The following CNTNAP2 variants were observed in gnomAD, a reference collection of about 807,000 sequenced individuals.
CNTNAP2 encodes the protein contactin-associated protein-like 2.
In CNTNAP2, 98 loss-of-function variants were observed where a neutral mutation model predicts 155.2. The observed-to-expected ratio is 0.63, with a 90% confidence interval of 0.54 to 0.75. CNTNAP2 has a LOEUF of 0.75. CNTNAP2 is among the 30% of genes least tolerant of loss of function. The pLI, the probability that CNTNAP2 is intolerant of heterozygous loss-of-function variation, is 0.00. For synonymous variants in CNTNAP2, 651 were observed against 631.2 expected (o/e 1.03, Z -0.47); for missense variants, 1,727 against 1,688.1 (o/e 1.02, Z -0.40).
intron 1 of CNTNAP2, among the ~76,000 whole-genome samples, chr7:146,236,399 TAAATA>T (rs1209234676): frequency 2.0e-5 from 3 of 152,298 alleles, no homozygotes; most frequent in Non-Finnish European, 4.4e-5. Context: ...AATAATTAAA[TAAATA>T]AGAGTTCTAA....
intron 8 of CNTNAP2, among the ~76,000 whole-genome samples, chr7:147,216,998 A>C (rs1468477424): frequency 6.9e-6 from 1 of 145,974 alleles, no homozygotes; most frequent in Non-Finnish European, 1.6e-5. Context: ...GGTATATAGA[A>C]AAGCATTTGA....
At chr7:147,139,378 G>A (rs868591523) in intron 8 of CNTNAP2, among the ~76,000 whole-genome samples, 6 of 152,084 alleles carry the variant, frequency 3.9e-5, no homozygotes, top group African/African-American at 1.2e-4. Flanking sequence ...GCAATTGCGT[G>A]TCTAATTTTG....
chr7:146,639,002 TG>T (rs1409491367), intron 1 of CNTNAP2, among the ~76,000 whole-genome samples: 26 of 152,194 alleles, frequency 1.7e-4, no homozygotes, highest in African/African-American at 6.3e-4. Context: ...TAAGTATTTG[TG>T]TGTCAAAACT....
chr7:148,140,877 A>G (rs1265796463), intron 16 of CNTNAP2, among the ~76,000 whole-genome samples: 1 of 152,270 alleles, frequency 6.6e-6, no homozygotes, highest in Non-Finnish European at 1.5e-5. Context: ...GCCAAAGGCA[A>G]GGGCCAGACC....
At chr7:147,919,733 C>T (rs1310438796) in intron 14 of CNTNAP2, among the ~76,000 whole-genome samples, 1 of 151,536 alleles carries the variant, frequency 6.6e-6, no homozygotes, top group Non-Finnish European at 1.5e-5. Context: ...GCTGGGATTA[C>T]AGGCGTGAGC....
Position 147,123,058 on chromosome 7 carries a change from T to C in CNTNAP2, c.939+1895T>C, listed in dbSNP as rs549940049. Among the ~76,000 whole-genome samples, 9 of 152,264 alleles carry C rather than the reference T, an allele frequency of 5.9e-5. 1 individual carries two copies. In the South Asian group the frequency reaches 1.9e-3, roughly 32 times the overall value. Reference sequence around the variant, plus strand: ...AGAGTAGAATATGCTATATAAACACTGATGGAGACTTTATTAACATTAAAT... The same window carrying C: ...AGAGTAGAATATGCTATATAAACACCGATGGAGACTTTATTAACATTAAAT... On this transcript the variant is annotated intron_variant, in intron 6 of 23. Transcript: ENST00000361727.
chr7:146,131,969 C>T (rs1359986219), intron 1 of CNTNAP2, among the ~76,000 whole-genome samples: 1 of 152,086 alleles, frequency 6.6e-6, no homozygotes, highest in African/African-American at 2.4e-5. Flanking sequence ...TTCCTTTCTG[C>T]CGTGATTGTA....
intron 9 of CNTNAP2, among the ~76,000 whole-genome samples, chr7:147,315,317 C>A (rs1441056269): frequency 6.6e-6 from 1 of 150,646 alleles, no homozygotes; most frequent in Non-Finnish European, 1.5e-5. Context: ...AGTCTTGTAA[C>A]TATCACCACA....
chr7:148,204,297 T>C (rs1437866137), intron 18 of CNTNAP2, among the ~76,000 whole-genome samples: 2 of 152,192 alleles, frequency 1.3e-5, no homozygotes, highest in South Asian at 2.1e-4. Context: ...TTAGACAAAT[T>C]TCAAGGCTTA....
chr7:147,612,401 C>CT (rs565607932), intron 12 of CNTNAP2, among the ~76,000 whole-genome samples: 9,037 of 133,016 alleles, frequency 0.068, 369 homozygotes, highest in African/African-American at 0.089. Context: ...AATTTTCTTT[C>CT]TTTTTTTTTT....
At chr7:147,415,583 G>A (rs1342265200) in intron 10 of CNTNAP2, among the ~76,000 whole-genome samples, 3 of 152,074 alleles carry the variant, frequency 2.0e-5, no homozygotes, top group Non-Finnish European at 4.4e-5. Flanking sequence ...GTTTCCTGAG[G>A]TCTCCCTAGC....
At chr7:146,758,188 TGGC>T in intron 1 of CNTNAP2, among the ~76,000 whole-genome samples, 1 of 152,316 alleles carries the variant, frequency 6.6e-6, no homozygotes, top group South Asian at 2.1e-4. Context: ...AAAACCCACC[TGGC>T]GTATTAATCA....
intron 14 of CNTNAP2, among the ~76,000 whole-genome samples, chr7:147,960,628 A>G (rs1801101384): frequency 6.6e-6 from 1 of 152,146 alleles, no homozygotes; most frequent in African/African-American, 2.4e-5. Context: ...TCCAGCATCA[A>G]CTGGAGTATC....
chr7:147,080,648 CATAT>C (rs1240351284), intron 4 of CNTNAP2, among the ~76,000 whole-genome samples: 1 of 148,032 alleles, frequency 6.8e-6, no homozygotes, highest in Admixed American at 6.8e-5. Context: ...TCATATATAA[CATAT>C]ATAACATGTA....
intron 1 of CNTNAP2, among the ~76,000 whole-genome samples, chr7:146,642,329 C>T (rs1435805438): frequency 6.4e-5 from 8 of 124,126 alleles, no homozygotes; most frequent in Admixed American, 6.1e-4. Context: ...CCACAACAGT[C>T]CACAGAGTGT....
intron 13 of CNTNAP2, among the ~76,000 whole-genome samples, chr7:147,713,858 G>T (rs1483480994): frequency 6.6e-6 from 1 of 152,118 alleles, no homozygotes; most frequent in Non-Finnish European, 1.5e-5. Context: ...AATGACTAAT[G>T]ATATTGAGCA....
chr7:147,383,090 GA>G (rs1483440092), intron 9 of CNTNAP2, among the ~76,000 whole-genome samples: 1 of 150,358 alleles, frequency 6.7e-6, no homozygotes, highest in Non-Finnish European at 1.5e-5. Flanking sequence ...TTTTATCCTA[GA>G]AAAAAAGTGA....
intron 15 of CNTNAP2, among the ~76,000 whole-genome samples, chr7:148,034,751 A>G (rs954860841): frequency 2.0e-5 from 3 of 152,242 alleles, no homozygotes; most frequent in African/African-American, 7.2e-5. Context: ...AAAAGCATGC[A>G]TTGCTATGAA....
rs1280177455 is a variant in CNTNAP2, at chr7:148,247,619, CTCTCTCTATT to C, written c.3381+17842_3381+17851del. Among the ~76,000 whole-genome samples, 347 of 142,036 alleles carry C rather than the reference CTCTCTCTATT, an allele frequency of 2.4e-3. 2 individuals are homozygous for C. The highest frequency in any genetic ancestry group is 8.0e-3 in the African/African-American group (300 of 37,718). 93.2% of individuals were successfully genotyped at this position (142,036 alleles called of 152,430 possible). ...ATTCTCTCTCTCTCTCTCTCTCTCTCTCTCTCTATTTATTTATTTATTTATTTATTTATTT... is the reference window on the plus strand; with the variant it reads ...ATTCTCTCTCTCTCTCTCTCTCTCTCTATTTATTTATTTATTTATTTATTT... On this transcript the variant is annotated intron_variant, in intron 20 of 23. Coordinates refer to ENST00000361727, the MANE Select transcript of CNTNAP2 (RefSeq NM_014141.6).
Sources: gnomAD v4.1 joint callset for allele counts (sites outside exome capture counted in the v4.1 genomes callset) on GRCh38, gnomAD v4.1.1 for gene constraint, MANE v1.5 for transcripts, NCBI Gene and HGNC (gene_info 2026-07-23, HGNC 2026-07-21) for gene names.